Variants in TPM4 observed in about 807,000 individuals in gnomAD.
TPM4 encodes tropomyosin 4, also known as tropomyosin alpha-4 chain.
In TPM4, 17 loss-of-function variants were observed where a neutral mutation model predicts 35.8. That is an observed-to-expected ratio of 0.47 (90% confidence interval 0.32 to 0.71). The LOEUF (loss-of-function observed/expected upper bound fraction) is 0.71, where lower values mean the gene tolerates loss of function less well. Among genes scored for constraint, TPM4 ranks in the 30% least tolerant of loss-of-function variants. The pLI, the probability that TPM4 is intolerant of heterozygous loss-of-function variation, is 0.03. For missense variants in TPM4, 240 were observed against 320.9 expected (o/e 0.75, Z 1.93); for synonymous variants, 120 against 122.9 (o/e 0.98, Z 0.15).
upstream of TPM4, chr19:16,075,834 G>T: frequency 1.5e-6 from 1 of 688,816 alleles, no homozygotes; most frequent in African/African-American, 1.8e-5. Context: ...CAAAACAGCT[G>T]GTCCTCAGGA....
Position 16,087,078 on chromosome 19 carries a change from G to A in TPM4, c.384+538G>A, listed in dbSNP as rs543908878. 8.1e-4 allele frequency among the ~76,000 whole-genome samples: 124 copies of A among 152,268 alleles called. 1 individual carries two copies. The highest frequency in any genetic ancestry group is 2.9e-3 in the African/African-American group (119 of 41,560). On this transcript the variant is annotated intron_variant, in intron 3 of 7. Coordinates refer to ENST00000643579, the MANE Select transcript of TPM4 (RefSeq NM_003290.3). ...GGATCACCTGAGGCCAGGAGTTTGA[G>A]ACCAGCCTGGGCAACATAGTGAGAC...
At position 16,081,951 on chromosome 19, in the gene TPM4, G is replaced by A. The variant is rs770734162; in HGVS notation, c.171G>A (p.Gln57=). The change falls in exon 2 of 8, where the codon CAG becomes CAA. Residue 57 remains glutamine (Q), a synonymous_variant. Transcript: ENST00000643579. ...GDVAALNRRI[Q]LVEEELDRAQ... ...TGGCCGCCCTCAACCGACGCATCCAGCTCGTTGAGGAGGAGTTGGACAGGG... is the reference window on the plus strand; with the variant it reads ...TGGCCGCCCTCAACCGACGCATCCAACTCGTTGAGGAGGAGTTGGACAGGG... The A allele has an allele frequency of 6.2e-7, 1 of 1,608,004 alleles. No individual in the cohort carries two copies. The highest frequency in any genetic ancestry group is 2.2e-5 in the East Asian group (1 of 44,718).
intron 5 of TPM4, among the ~76,000 whole-genome samples, chr19:16,090,648 C>G (rs893796603): frequency 6.6e-6 from 1 of 152,076 alleles, no homozygotes; most frequent in Non-Finnish European, 1.5e-5. Context: ...CTGTGTAGCC[C>G]TGTCTATACT....
At chr19:16,086,781 C>T (rs1568306600) in intron 3 of TPM4, among the ~76,000 whole-genome samples, 1 of 152,120 alleles carries the variant, frequency 6.6e-6, no homozygotes, top group Non-Finnish European at 1.5e-5. Flanking sequence ...TCACTTGTGT[C>T]GTTAGCTGGG....
At chr19:16,088,901 T>C (rs1452020561) in intron 4 of TPM4, 144 bp from the exon 5 acceptor site, 4 of 1,467,662 alleles carry the variant, frequency 2.7e-6, no homozygotes, top group Non-Finnish European at 3.6e-6. Context: ...AAAAATCCAT[T>C]AACATTTTCT....
intron 5 of TPM4, 110 bp downstream of exon 5, chr19:16,089,230 G>A: frequency 1.4e-6 from 2 of 1,412,976 alleles, no homozygotes; most frequent in Non-Finnish European, 2.0e-6. Flanking sequence ...TTATTTAACA[G>A]TAGCGTTGGT....
At chr19:16,094,106 A>C (rs1434972438) in intron 7 of TPM4, among the ~76,000 whole-genome samples, 1 of 151,950 alleles carries the variant, frequency 6.6e-6, no homozygotes, top group Non-Finnish European at 1.5e-5. Flanking sequence ...CTGGGACTAC[A>C]GGCGTGTGCC....
chr19:16,073,440 G>A (rs1286416923), upstream of TPM4, among the ~76,000 whole-genome samples: 2 of 152,196 alleles, frequency 1.3e-5, no homozygotes, highest in Non-Finnish European at 2.9e-5. Flanking sequence ...AGCAGCTGCC[G>A]GAATGCTCAG....
At chr19:16,069,779 G>A (rs529064489) in intron 2 of TPM4, among the ~76,000 whole-genome samples, 3 of 147,398 alleles carry the variant, frequency 2.0e-5, no homozygotes, top group East Asian at 4.0e-4. Flanking sequence ...TGTGTGTTTC[G>A]ATTGGTGTGT....
chr19:16,095,230 C>T, intron 7 of TPM4: 3 of 1,017,004 alleles, frequency 2.9e-6, no homozygotes, highest in Non-Finnish European at 3.5e-6. Context: ...CCCTGTACTT[C>T]TGAACTGTCT....
chr19:16,076,025 T>C, upstream of TPM4: 1 of 1,370,334 alleles, frequency 7.3e-7, no homozygotes, highest in Non-Finnish European at 1.0e-6. Flanking sequence ...GGCTGACCCG[T>C]TCCTCGCTCT....
chr19:16,071,562 T>C (rs2090357053), upstream of TPM4, among the ~76,000 whole-genome samples: 1 of 152,182 alleles, frequency 6.6e-6, no homozygotes, highest in Admixed American at 6.5e-5. Context: ...ATCTGTGAAA[T>C]GGGAACACGT....
rs562924923 is a variant in TPM4 at position 16,102,232 on chromosome 19, G to C, written c.*886G>C. ...CGCCTGCCTGTAGTCCCAGCTACTC[G>C]GGAGGCTGAGGCAGGAGGATCGCTT... On this transcript the variant is annotated 3_prime_UTR_variant, in exon 8 of 8. Coordinates refer to ENST00000643579, the MANE Select transcript of TPM4 (RefSeq NM_003290.3). The C allele has an allele frequency of 2.1e-5, 4 of 187,218 alleles. No individual in the cohort carries two copies. Among genetic ancestry groups the C allele is most frequent in the African/African-American group, 7.0e-5 (3 of 42,788 alleles). The allele number at this position is 187,218 out of a possible 1,614,324, so 11.6% of individuals were successfully genotyped here.
At chr19:16,082,807 T>C (rs3786574) in intron 2 of TPM4, among the ~76,000 whole-genome samples, 68,529 of 151,584 alleles carry the variant, frequency 0.45, 16,012 homozygotes, top group East Asian at 0.72. Context: ...ACTGGGGCAA[T>C]GTGGTGAGAC....
chr19:16,071,180 T>C (rs1188678892), intron 2 of TPM4, among the ~76,000 whole-genome samples: 2 of 152,116 alleles, frequency 1.3e-5, no homozygotes, highest in Non-Finnish European at 2.9e-5. Flanking sequence ...ATACTTTGTG[T>C]ATATCAGTCT....
intron 5 of TPM4, among the ~76,000 whole-genome samples, chr19:16,090,911 C>A (rs1178412690): frequency 6.6e-6 from 1 of 151,068 alleles, no homozygotes; most frequent in Non-Finnish European, 1.5e-5. Flanking sequence ...GAGTGATCCA[C>A]CTGCCTCTGT....
At chr19:16,084,930 C>A (rs2090529532) in intron 2 of TPM4, among the ~76,000 whole-genome samples, 1 of 151,832 alleles carries the variant, frequency 6.6e-6, no homozygotes, top group African/African-American at 2.4e-5. Flanking sequence ...CCCAGGCTGG[C>A]CTCTTCTTTT....
At chr19:16,081,834 G>A in intron 1 of TPM4, 79 bp from the exon 2 acceptor site, 1 of 1,458,714 alleles carries the variant, frequency 6.9e-7, no homozygotes, top group Non-Finnish European at 9.2e-7. Context: ...CAGGTTAACA[G>A]AGGGCAGGAC....
At chr19:16,073,036 C>T (rs1323399274), upstream of TPM4, among the ~76,000 whole-genome samples, 1 of 151,990 alleles carries the variant, frequency 6.6e-6, no homozygotes, top group African/African-American at 2.4e-5. Context: ...GTCAAAACCC[C>T]AAACCAAACA....
Sources: allele counts gnomAD v4.1 joint callset (sites outside exome capture counted in the v4.1 genomes callset), GRCh38; gene constraint gnomAD v4.1.1; transcripts MANE v1.5; gene names NCBI Gene and HGNC (gene_info 2026-07-23, HGNC 2026-07-21).